The following SMPD3 variants were observed in gnomAD, a reference collection of about 807,000 sequenced individuals.
SMPD3 encodes nSMase-2.
A neutral mutation model predicts 55.7 loss-of-function variants in SMPD3; 21 were observed. The observed-to-expected ratio is 0.38, with a 90% CI of 0.27 to 0.54. The LOEUF (loss-of-function observed/expected upper bound fraction) is 0.54. Among genes scored for constraint, SMPD3 ranks in the 20% least tolerant of loss-of-function variants. The pLI, the probability that SMPD3 is intolerant of heterozygous loss-of-function variation, is 0.80. For synonymous variants in SMPD3, 457 were observed against 404.3 expected, an observed-to-expected ratio of 1.13 and a Z score of -1.56; for missense variants, 842 against 899.6, an observed-to-expected ratio of 0.94 and a Z score of 0.82.
chr16:68,367,344 C>T (rs1002934056), intron 3 of SMPD3: 14 of 152,282 alleles, frequency 9.2e-5, no homozygotes, highest in Non-Finnish European at 1.2e-4. Flanking sequence ...CTGCTTTTAC[C>T]GTTGAACACA....
chr16:68,415,580 A>G (rs1304530391), intron 1 of SMPD3, among the ~76,000 whole-genome samples: 1 of 152,196 alleles, frequency 6.6e-6, no homozygotes, highest in African/African-American at 2.4e-5. Context: ...TACCTTTTAA[A>G]TTTAGGTAAC....
intron 5 of SMPD3, 64 bp downstream of exon 5, chr16:68,364,687 G>A (rs1386905353): frequency 1.3e-6 from 2 of 1,547,132 alleles, no homozygotes; most frequent in Non-Finnish European, 1.8e-6. Flanking sequence ...AGTCTGTCTA[G>A]CTGTGACTGA....
At chr16:68,400,404 C>T (rs2090195816) in intron 1 of SMPD3, among the ~76,000 whole-genome samples, 1 of 152,138 alleles carries the variant, frequency 6.6e-6, no homozygotes, top group Non-Finnish European at 1.5e-5. Context: ...CTGCTATATC[C>T]CAGGAAATGG....
At chr16:68,416,927 T>C (rs758871328) in intron 1 of SMPD3, among the ~76,000 whole-genome samples, 4 of 152,136 alleles carry the variant, frequency 2.6e-5, no homozygotes, top group Non-Finnish European at 5.9e-5. Context: ...GGAAAGCTGC[T>C]TCCTGATTGC....
chr16:68,365,203 T>A lies in SMPD3; in HGVS notation c.1324-111A>T, dbSNP rs1160128770. 5.5e-6 allele frequency: 6 copies of A among 1,092,998 alleles called. No homozygotes were observed. The South Asian group carries it at 8.2e-5, about 15-fold the overall frequency. 67.7% of individuals were successfully genotyped at this position (1,092,998 alleles called of 1,614,324 possible). ...GAGGTCAGACCCTCACAAGCCTGGC[T>A]CCTGGCTGGATTCTGGGGTCCGAGT... On this transcript the variant is annotated intron_variant, in intron 3 of 8. Coordinates refer to ENST00000219334, the MANE Select transcript of SMPD3 (RefSeq NM_018667.4).
intron 1 of SMPD3, among the ~76,000 whole-genome samples, chr16:68,418,622 G>A (rs1464707820): frequency 6.6e-6 from 1 of 152,170 alleles, no homozygotes; most frequent in East Asian, 1.9e-4. Flanking sequence ...CAGCAGAGGA[G>A]GATTCAATGC....
intron 1 of SMPD3, among the ~76,000 whole-genome samples, chr16:68,432,746 GTGA>G (rs1462522743): frequency 1.6e-4 from 25 of 152,224 alleles, no homozygotes. Flanking sequence ...GGGGTCCAGA[GTGA>G]GCATTCCAAG....
chr16:68,371,964 G>C lies in SMPD3; in HGVS notation c.218C>G (p.Ala73Gly). The change falls in exon 3 of 9, where the codon GCC becomes GGC. Residue 73 changes from alanine (A) to glycine (G), a missense_variant. Coordinates refer to ENST00000219334, the MANE Select transcript of SMPD3 (RefSeq NM_018667.4). ...FTPIYLALLVASLPFAFLGFL... is the reference protein window; with the variant it reads ...FTPIYLALLVGSLPFAFLGFL... ...GCCGAGAAACGCAAAGGGCAGCGAG[G>C]CCACCAGGAGGGCCAGGTAGATGGG... 6.2e-7 allele frequency: 1 copy of C among 1,612,318 alleles called. No individual in the cohort carries two copies.
intron 1 of SMPD3, among the ~76,000 whole-genome samples, chr16:68,446,047 A>C (rs921968132): frequency 6.6e-6 from 1 of 152,218 alleles, no homozygotes; most frequent in African/African-American, 2.4e-5. Context: ...ATGGAGGCCA[A>C]AGTGACAAAA....
chr16:68,389,769 G>A (rs1038768253), intron 1 of SMPD3, among the ~76,000 whole-genome samples: 4 of 152,214 alleles, frequency 2.6e-5, no homozygotes, highest in African/African-American at 9.6e-5. Context: ...AAGAGCAGCT[G>A]CTCACCTTGG....
chr16:68,361,336 G>A, intron 8 of SMPD3, 29 bp from the exon 9 acceptor site: 1 of 1,589,060 alleles, frequency 6.3e-7, no homozygotes, highest in Non-Finnish European at 8.6e-7. Context: ...GGGAGAAACA[G>A]CCTGGTCAGA....
At chr16:68,364,118 T>G (rs2089403067) in intron 5 of SMPD3, among the ~76,000 whole-genome samples, 1 of 152,216 alleles carries the variant, frequency 6.6e-6, no homozygotes, top group South Asian at 2.1e-4. Context: ...ACAGTGACAG[T>G]GACCACGGTC....
intron 1 of SMPD3, among the ~76,000 whole-genome samples, chr16:68,401,724 C>G (rs2090207681): frequency 6.6e-6 from 1 of 152,178 alleles, no homozygotes; most frequent in African/African-American, 2.4e-5. Flanking sequence ...TTCATAGGTA[C>G]AAGGCAGGCT....
chr16:68,399,377 AG>A (rs1223885388), intron 1 of SMPD3, among the ~76,000 whole-genome samples: 1 of 152,142 alleles, frequency 6.6e-6, no homozygotes, highest in Non-Finnish European at 1.5e-5. Context: ...GGTGCCCCAT[AG>A]CATGTCCACT....
intron 1 of SMPD3, among the ~76,000 whole-genome samples, chr16:68,426,277 G>A (rs758089555): frequency 6.6e-6 from 1 of 152,188 alleles, no homozygotes; most frequent in African/African-American, 2.4e-5. Flanking sequence ...TACCCACAAG[G>A]AAATGAATGT....
intron 1 of SMPD3, among the ~76,000 whole-genome samples, chr16:68,423,463 C>G (rs2090412506): frequency 6.6e-6 from 1 of 152,144 alleles, no homozygotes; most frequent in African/African-American, 2.4e-5. Context: ...GAGATCTGAG[C>G]TGGCATACTC....
chr16:68,408,978 G>A (rs1473236146), intron 1 of SMPD3, among the ~76,000 whole-genome samples: 1 of 152,150 alleles, frequency 6.6e-6, no homozygotes, highest in Non-Finnish European at 1.5e-5. Context: ...CCGCTATGGA[G>A]TGCACACCAA....
chr16:68,407,640 T>A (rs2090265007), intron 1 of SMPD3, among the ~76,000 whole-genome samples: 1 of 152,182 alleles, frequency 6.6e-6, no homozygotes, highest in African/African-American at 2.4e-5. Flanking sequence ...AGCCTATTGT[T>A]GTATTTTTTA....
chr16:68,412,212 G>A (rs990518132), intron 1 of SMPD3, among the ~76,000 whole-genome samples: 1 of 152,184 alleles, frequency 6.6e-6, no homozygotes, highest in African/African-American at 2.4e-5. Flanking sequence ...AGTTGGTGGG[G>A]ACTCAGAAGA....
Sources: allele counts gnomAD v4.1 joint callset (sites outside exome capture counted in the v4.1 genomes callset), GRCh38; gene constraint gnomAD v4.1.1; transcripts MANE v1.5; gene names NCBI Gene and HGNC (gene_info 2026-07-23, HGNC 2026-07-21).